The following NRP1 variants were observed in gnomAD, a reference collection of about 807,000 sequenced individuals.
NRP1 encodes neuropilin 1, also known as neuropilin-1.
NRP1 carries 35 observed loss-of-function variants against 106.7 expected under a neutral mutation model. The ratio of observed to expected loss-of-function variants is 0.33; its 90% confidence interval spans 0.25 to 0.43. The LOEUF is 0.43. NRP1 is among the 20% of genes least tolerant of loss of function. The pLI is 1.00. For missense variants in NRP1, 1,024 were observed against 1,170.4 expected, an observed-to-expected ratio of 0.87 and a Z score of 1.83; for synonymous variants, 437 against 417.9, an observed-to-expected ratio of 1.05 and a Z score of -0.56.
intron 12 of NRP1, among the ~76,000 whole-genome samples, chr10:33,193,836 C>T (rs192145026): frequency 6.6e-6 from 1 of 152,178 alleles, no homozygotes; most frequent in African/African-American, 2.4e-5. Flanking sequence ...TATAAGGAAC[C>T]CTTTTCTAGA....
At chr10:33,309,898 T>G (rs1244739088) in intron 2 of NRP1, among the ~76,000 whole-genome samples, 1 of 152,188 alleles carries the variant, frequency 6.6e-6, no homozygotes, top group African/African-American at 2.4e-5. Context: ...CTGCAATGTT[T>G]AAAAGCCTCT....
At chr10:33,205,756 C>T (rs1275943607) in intron 10 of NRP1, 1 of 157,734 alleles carries the variant, frequency 6.3e-6, no homozygotes, top group African/African-American at 2.4e-5. Flanking sequence ...ACAACAGTGA[C>T]ATTATTCCCA....
chr10:33,330,636 A>T, intron 2 of NRP1, 72 bp downstream of exon 2: 2 of 1,358,460 alleles, frequency 1.5e-6, no homozygotes, highest in South Asian at 3.0e-5. Context: ...GTACACACCG[A>T]CTTCCCCCCC....
At chr10:33,259,852 A>T (rs968586466) in intron 4 of NRP1, among the ~76,000 whole-genome samples, 1 of 150,512 alleles carries the variant, frequency 6.6e-6, no homozygotes, top group Non-Finnish European at 1.5e-5. Context: ...AGGTACTTAA[A>T]TTTTTTTTTT....
rs2474733 is a variant in NRP1 at position 33,179,194 on chromosome 10, G to A, written c.*882C>T. 29,022 of 152,530 alleles carry A rather than the reference G, an allele frequency of 0.19. 3,069 individuals carry two copies. The highest frequency in any genetic ancestry group is 0.3 in the African/African-American group (12,404 of 41,450). 9.4% of individuals were successfully genotyped at this position (152,530 alleles called of 1,614,324 possible). On this transcript the variant is annotated 3_prime_UTR_variant, in exon 17 of 17. Coordinates refer to ENST00000374867, the MANE Select transcript of NRP1 (RefSeq NM_003873.7). ...AGCCCTTGCCTGCCCGGAGGGGCTG[G>A]CATCTCACACGAAAATAAACTTTCT... is the stretch of plus-strand genomic sequence containing the variant.
intron 9 of NRP1, 135 bp downstream of exon 9, chr10:33,213,251 A>G (rs775586560): frequency 6.2e-7 from 1 of 1,604,508 alleles, no homozygotes; most frequent in South Asian, 1.1e-5. Context: ...CAAGGGTCTT[A>G]CTGACCCCAT....
intron 2 of NRP1, among the ~76,000 whole-genome samples, chr10:33,305,047 T>G (rs1415363819): frequency 6.6e-6 from 1 of 152,252 alleles, no homozygotes; most frequent in Non-Finnish European, 1.5e-5. Flanking sequence ...GCATGAGCAC[T>G]TTGTGGTAGT....
At chr10:33,185,509 T>C (rs1835944428) in intron 15 of NRP1, 119 bp downstream of exon 15, 1 of 698,364 alleles carries the variant, frequency 1.4e-6, no homozygotes, top group South Asian at 1.8e-5. Context: ...TTTCCTATGA[T>C]GTGCCGAGAG....
chr10:33,296,755 G>A (rs139440250), intron 2 of NRP1, among the ~76,000 whole-genome samples: 2,640 of 152,278 alleles, frequency 0.017, 35 homozygotes, highest in Middle Eastern at 0.068. Flanking sequence ...TAGGCTGGGC[G>A]TGGTTGCTCA....
chr10:33,312,728 G>A (rs563497624), intron 2 of NRP1, among the ~76,000 whole-genome samples: 31 of 152,226 alleles, frequency 2.0e-4, no homozygotes, highest in Admixed American at 3.3e-4. Flanking sequence ...TTATTACTTT[G>A]CTTACGCTGC....
At chr10:33,212,414 A>G (rs376811771) in intron 9 of NRP1, 1 of 152,346 alleles carries the variant, frequency 6.6e-6, no homozygotes, top group East Asian at 1.9e-4. Context: ...CCTAAGTGAC[A>G]TAAGCCAATC....
At chr10:33,196,912 A>C (rs1025281146) in intron 12 of NRP1, among the ~76,000 whole-genome samples, 3 of 152,174 alleles carry the variant, frequency 2.0e-5, no homozygotes, top group African/African-American at 7.2e-5. Flanking sequence ...TGACCTGTTC[A>C]CCTTAGTCTA....
chr10:33,182,339 T>A (rs185589216), intron 16 of NRP1, among the ~76,000 whole-genome samples: 12 of 152,296 alleles, frequency 7.9e-5, no homozygotes, highest in African/African-American at 2.4e-4. Flanking sequence ...TGTATGGAAA[T>A]AGTCTTCACT....
At chr10:33,184,902 C>G (rs1835905434) in intron 15 of NRP1, among the ~76,000 whole-genome samples, 1 of 152,124 alleles carries the variant, frequency 6.6e-6, no homozygotes, top group Non-Finnish European at 1.5e-5. Flanking sequence ...AATTAACATC[C>G]TATTATATAA....
chr10:33,187,851 C>A (rs986214617), intron 13 of NRP1, among the ~76,000 whole-genome samples: 2 of 152,170 alleles, frequency 1.3e-5, no homozygotes, highest in Admixed American at 1.3e-4. Flanking sequence ...TCAACAGTGT[C>A]CAGGTGGATG....
intron 12 of NRP1, among the ~76,000 whole-genome samples, chr10:33,193,003 G>A (rs1836520650): frequency 1.3e-5 from 2 of 151,972 alleles, no homozygotes; most frequent in African/African-American, 4.8e-5. Context: ...CTATAAGGTC[G>A]ATTAATTTAA....
intron 2 of NRP1, among the ~76,000 whole-genome samples, chr10:33,311,634 C>G (rs970150453): frequency 2.0e-5 from 3 of 152,118 alleles, no homozygotes; most frequent in Non-Finnish European, 4.4e-5. Context: ...TAGTAAGCAA[C>G]AAATGAAGTT....
intron 4 of NRP1, among the ~76,000 whole-genome samples, chr10:33,259,909 C>T (rs574587794): frequency 4.5e-4 from 69 of 152,206 alleles, no homozygotes; most frequent in African/African-American, 1.6e-3. Flanking sequence ...GGCTGCAGTG[C>T]GGTGGCGCAA....
intron 2 of NRP1, among the ~76,000 whole-genome samples, chr10:33,319,738 C>A (rs1485035815): frequency 2.0e-5 from 3 of 151,694 alleles, no homozygotes; most frequent in Non-Finnish European, 4.4e-5. Flanking sequence ...AGGTGCCAGC[C>A]ACCATGCCTG....
Sources: gnomAD v4.1 joint callset for allele counts (sites outside exome capture counted in the v4.1 genomes callset) on GRCh38, gnomAD v4.1.1 for gene constraint, MANE v1.5 for transcripts, NCBI Gene and HGNC (gene_info 2026-07-23, HGNC 2026-07-21) for gene names.